ANLN: variants seen among roughly 807,000 people sequenced by gnomAD.
The protein encoded by ANLN is anillin.
Under a neutral mutation model 135.1 loss-of-function variants are expected in ANLN, and 59 were observed. That is an observed-to-expected ratio of 0.44 (90% CI 0.35 to 0.54). ANLN has a LOEUF of 0.54. Ranked by LOEUF, ANLN falls within the 20% of genes least tolerant of loss-of-function variation. ANLN has a pLI of 0.00. For synonymous variants in ANLN, 406 were observed against 456.4 expected (o/e 0.89, Z 1.41); for missense variants, 1,182 against 1,340.0 (o/e 0.88, Z 1.84).
chr7:36,422,087 T>C (rs1386746591), intron 13 of ANLN, 95 bp downstream of exon 13: 3 of 1,390,502 alleles, frequency 2.2e-6, no homozygotes, highest in Non-Finnish European at 1.9e-6. Context: ...AGAAAGGGCT[T>C]TTCCTAGTCA....
chr7:36,440,186 C>G (rs576619653), intron 21 of ANLN, among the ~76,000 whole-genome samples: 2 of 152,216 alleles, frequency 1.3e-5, no homozygotes, highest in African/African-American at 4.8e-5. Flanking sequence ...ATGGGGAAGC[C>G]CAGGGCAAGT....
At chr7:36,390,363 G>T (rs570373819) in intron 1 of ANLN, 2 of 407,548 alleles carry the variant, frequency 4.9e-6, no homozygotes, top group South Asian at 3.6e-5. Context: ...AGAGTGAGGC[G>T]CAGGCCTGCG....
chr7:36,444,889 A>G (rs1788925501), intron 22 of ANLN, among the ~76,000 whole-genome samples: 1 of 152,036 alleles, frequency 6.6e-6, no homozygotes, highest in Non-Finnish European at 1.5e-5. Flanking sequence ...TGTGTTGGAT[A>G]GCTATGTGTG....
At position 36,389,883 on chromosome 7, in the gene ANLN, G is replaced by A. The variant is rs1786341947; in HGVS notation, c.-144G>A. 9 of 1,447,970 alleles carry A rather than the reference G, an allele frequency of 6.2e-6. No individual in the cohort carries two copies. The highest frequency in any genetic ancestry group is 1.2e-5 in the South Asian group (1 of 86,036). 89.7% of individuals were successfully genotyped at this position (1,447,970 alleles called of 1,614,324 possible). ...GGCCGAGTCCGTCACTGGAAGCCGA[G>A]AGGAGAGGACAGCTGGTTGTGGGAG... is the stretch of plus-strand genomic sequence containing the variant. On this transcript the variant is annotated 5_prime_UTR_variant, in exon 1 of 24. Transcript: ENST00000265748.
At chr7:36,424,797 T>C in intron 17 of ANLN, 55 bp downstream of exon 17, 1 of 1,515,914 alleles carries the variant, frequency 6.6e-7, no homozygotes, top group South Asian at 1.2e-5. Context: ...ATAGATATCA[T>C]CATACCAGTT....
intron 22 of ANLN, among the ~76,000 whole-genome samples, chr7:36,447,439 T>TTTTTTTTTG (rs1389018638): frequency 6.7e-6 from 1 of 149,984 alleles, no homozygotes; most frequent in African/African-American, 2.5e-5. Flanking sequence ...TTTTTTTTTT[T>TTTTTTTTTG]TCTGAGACGG....
Position 36,406,272 on chromosome 7 carries a change from A to G in ANLN, c.579A>G (p.Ala193=). The part of the protein sequence containing the change: ...PPRPLLSNAS[A]TPVGRRGRLA... ...GACCTCTGCTTTCAAATGCCTCGGC[A>G]ACTCCAGTTGGCAGAAGGGGCCGTC... is the stretch of plus-strand genomic sequence containing the variant. The change falls in exon 4 of 24, where the codon GCA becomes GCG. Residue 193 remains alanine, a synonymous_variant. Coordinates refer to ENST00000265748, the MANE Select transcript of ANLN (RefSeq NM_018685.5). The G allele has an allele frequency of 6.2e-7, 1 of 1,614,210 alleles. No homozygotes were observed. Among genetic ancestry groups the G allele is most frequent in the Non-Finnish European group, 8.5e-7 (1 of 1,179,996 alleles).
intron 14 of ANLN, among the ~76,000 whole-genome samples, chr7:36,423,109 G>T (rs1259375040): frequency 6.6e-6 from 1 of 151,894 alleles, no homozygotes; most frequent in South Asian, 2.1e-4. Context: ...AAATTTTTTT[G>T]TGTGTGTTCT....
rs1275749719 is a variant in ANLN at position 36,406,514 on chromosome 7, C to T, written c.821C>T (p.Ser274Phe). 1 of 1,556,618 alleles carries T rather than the reference C, an allele frequency of 6.4e-7. No individual in the cohort carries two copies. Among genetic ancestry groups the T allele is most frequent in the Non-Finnish European group, 8.7e-7 (1 of 1,147,950 alleles). ...GATGCCTCTTTGAATAAAGCCCTAT[C>T]CTCAAGTGCTGATGATGCGTCTTTG... ...DGDASLNKAL[S>F]SSADDASLVN... is the part of the protein sequence containing the mutation. Residue 274 changes from serine to phenylalanine, a missense_variant, in exon 4 of 24, where the codon TCC becomes TTC. Coordinates refer to ENST00000265748, the MANE Select transcript of ANLN (RefSeq NM_018685.5).
chr7:36,395,053 T>C (rs1786639371), intron 1 of ANLN, among the ~76,000 whole-genome samples: 1 of 152,222 alleles, frequency 6.6e-6, no homozygotes, highest in South Asian at 2.1e-4. Flanking sequence ...TGTTTTATGT[T>C]TTCAAAGGAC....
At chr7:36,399,452 A>G in intron 3 of ANLN, 59 bp downstream of exon 3, 1 of 1,400,186 alleles carries the variant, frequency 7.1e-7, no homozygotes, top group South Asian at 1.4e-5. Flanking sequence ...TCAGTTTGGT[A>G]TGTTGAACAT....
intron 3 of ANLN, among the ~76,000 whole-genome samples, chr7:36,404,835 A>G (rs1289767095): frequency 6.6e-6 from 1 of 152,208 alleles, no homozygotes; most frequent in Admixed American, 6.5e-5. Context: ...TACAGTGTGG[A>G]TATGCTGGAC....
At chr7:36,415,721 T>C in intron 7 of ANLN, 37 bp from the exon 8 acceptor site, 1 of 1,545,772 alleles carries the variant, frequency 6.5e-7, no homozygotes, top group Non-Finnish European at 8.7e-7. Context: ...TATATAGTTT[T>C]GAGAAATAAA....
At chr7:36,402,634 G>GA (rs879658463) in intron 3 of ANLN, among the ~76,000 whole-genome samples, 22 of 151,812 alleles carry the variant, frequency 1.4e-4, no homozygotes, top group Admixed American at 7.9e-4. Context: ...ATTCAGAATG[G>GA]AAAAAAAATG....
At position 36,419,512 on chromosome 7, in the gene ANLN, A is replaced by T. The variant is rs372054526; in HGVS notation, c.1869+33A>T. The T allele has an allele frequency of 2.6e-5, 41 of 1,557,524 alleles. No individual in the cohort carries two copies. In the East Asian group the frequency reaches 7.9e-4, roughly 30 times the overall value. ...AAGGCTAACTAAACAGGCCCAGGAC[A>T]TAAGTAAACTAAGTAGTATTCGTAT... On this transcript the variant is annotated intron_variant, in intron 10 of 23. Transcript: ENST00000265748.
At chr7:36,405,064 T>G (rs1336951480) in intron 3 of ANLN, among the ~76,000 whole-genome samples, 2 of 152,248 alleles carry the variant, frequency 1.3e-5, no homozygotes, top group Non-Finnish European at 2.9e-5. Context: ...TGATCAGTGG[T>G]GGACTGCATA....
intron 9 of ANLN, among the ~76,000 whole-genome samples, chr7:36,418,792 C>G (rs948332741): frequency 6.8e-6 from 1 of 146,206 alleles, no homozygotes; most frequent in Non-Finnish European, 1.5e-5. Context: ...TCACTCTTGT[C>G]CCCCAGGCTA....
intron 2 of ANLN, among the ~76,000 whole-genome samples, chr7:36,398,626 T>G (rs1201341697): frequency 2.0e-5 from 3 of 152,202 alleles, no homozygotes; most frequent in Non-Finnish European, 4.4e-5. Flanking sequence ...TTATTTTTAT[T>G]TTTCCATAAG....
At chr7:36,445,051 A>G (rs1159305931) in intron 22 of ANLN, among the ~76,000 whole-genome samples, 2 of 151,108 alleles carry the variant, frequency 1.3e-5, no homozygotes, top group African/African-American at 2.4e-5. Flanking sequence ...GATAACTTCT[A>G]CCCTAAAATT....
Sources: allele counts gnomAD v4.1 joint callset (sites outside exome capture counted in the v4.1 genomes callset), GRCh38; gene constraint gnomAD v4.1.1; transcripts MANE v1.5; gene names NCBI Gene and HGNC (gene_info 2026-07-23, HGNC 2026-07-21).